The following MACF1 variants were observed in gnomAD, a reference collection of about 807,000 sequenced individuals.
MACF1 encodes microtubule actin crosslinking factor 1.
Under a neutral mutation model 854.8 loss-of-function variants are expected in MACF1, and 193 were observed. That is an observed-to-expected ratio of 0.23 (90% CI 0.20 to 0.25). MACF1 has a LOEUF of 0.25. Among genes scored for constraint, MACF1 ranks in the 10% least tolerant of loss-of-function variants. The pLI is 1.00. For missense variants in MACF1, 7,722 were observed against 8,929.1 expected, an observed-to-expected ratio of 0.86 and a Z score of 5.45; for synonymous variants, 3,185 against 3,226.7, an observed-to-expected ratio of 0.99 and a Z score of 0.44.
intron 1 of MACF1, among the ~76,000 whole-genome samples, chr1:39,208,380 A>G (rs1644477522): frequency 6.6e-6 from 1 of 151,968 alleles, no homozygotes; most frequent in African/African-American, 2.4e-5. Flanking sequence ...CACCCTGTTA[A>G]CACTACTTAT....
intron 40 of MACF1, among the ~76,000 whole-genome samples, chr1:39,341,297 G>A (rs1441725616): frequency 1.3e-5 from 2 of 151,174 alleles, no homozygotes; most frequent in Non-Finnish European, 2.9e-5. Context: ...GCCTCCCAAA[G>A]TGCTGGGATT....
At chr1:39,240,275 T>C (rs781484529) in intron 2 of MACF1, among the ~76,000 whole-genome samples, 1 of 152,200 alleles carries the variant, frequency 6.6e-6, no homozygotes, top group Non-Finnish European at 1.5e-5. Context: ...GACAAAGTAG[T>C]GCTGGTTAGA....
At chr1:39,155,163 A>G (rs1643658594) in intron 2 of MACF1, among the ~76,000 whole-genome samples, 1 of 152,184 alleles carries the variant, frequency 6.6e-6, no homozygotes, top group Non-Finnish European at 1.5e-5. Context: ...AGACCATTGC[A>G]CCACCACCCT....
intron 20 of MACF1, 98 bp downstream of exon 20, chr1:39,295,980 C>G: frequency 9.7e-7 from 1 of 1,027,438 alleles, no homozygotes; most frequent in Non-Finnish European, 1.4e-6. Flanking sequence ...TTGTATAAAC[C>G]ACCACCTTAA....
rs369484813 is a variant in MACF1 at position 39,427,659 on chromosome 1, A to G, written c.16476+45A>G. 61 of 1,575,612 alleles carry G rather than the reference A, an allele frequency of 3.9e-5. 1 individual carries two copies. The African/African-American group carries it at 7.1e-4, about 18-fold the overall frequency. On this transcript the variant is annotated intron_variant, in intron 62 of 100. Coordinates refer to ENST00000564288, the MANE Select transcript of MACF1 (RefSeq NM_001394062.1). ...AATGAAAATAGAAAACTGGAATTAGAAATCCTAGAAATGAGTAAACTGCCT... is the reference window on the plus strand; with the variant it reads ...AATGAAAATAGAAAACTGGAATTAGGAATCCTAGAAATGAGTAAACTGCCT...
At chr1:39,370,874 ACTC>A (rs746922136) in intron 51 of MACF1, among the ~76,000 whole-genome samples, 1 of 152,120 alleles carries the variant, frequency 6.6e-6, no homozygotes, top group Non-Finnish European at 1.5e-5. Flanking sequence ...ACAAAAAAAA[ACTC>A]CTAATACTTC....
At chr1:39,239,430 C>T (rs1377814479) in intron 2 of MACF1, among the ~76,000 whole-genome samples, 2 of 152,190 alleles carry the variant, frequency 1.3e-5, no homozygotes, top group African/African-American at 2.4e-5. Context: ...ATTAATTCCT[C>T]CTTATTGAGA....
chr1:39,336,215 CCTT>C lies in MACF1; in HGVS notation c.9629_9631del (p.Leu3210del), dbSNP rs1452757681. The C allele has an allele frequency of 3.7e-6, 6 of 1,614,008 alleles. No homozygotes were observed. The highest frequency in any genetic ancestry group is 1.6e-4 in the Middle Eastern group (1 of 6,062). On this transcript the variant is annotated inframe_deletion, in exon 37 of 101. Coordinates refer to ENST00000564288, the MANE Select transcript of MACF1 (RefSeq NM_001394062.1). ...ATCTAGAATTCTCAGACAGAAAAGACCTTCATCATCAGGGCAGCAAAAGTGATG... is the reference window on the plus strand; with the variant it reads ...ATCTAGAATTCTCAGACAGAAAAGACCATCATCAGGGCAGCAAAAGTGATG...
At chr1:39,094,748 C>T (rs1455072591) in intron 2 of MACF1, among the ~76,000 whole-genome samples, 1 of 152,046 alleles carries the variant, frequency 6.6e-6, no homozygotes, top group African/African-American at 2.4e-5. Flanking sequence ...AGAAATTAGC[C>T]AGGCGTGGTG....
intron 23 of MACF1, among the ~76,000 whole-genome samples, chr1:39,303,871 C>G (rs1234126340): frequency 6.8e-6 from 1 of 147,290 alleles, no homozygotes; most frequent in African/African-American, 2.5e-5. Flanking sequence ...AGGGAGACTC[C>G]GTCTCAAAAA....
At chr1:39,357,286 A>G (rs1647677270) in intron 44 of MACF1, 89 bp from the exon 45 acceptor site, 1 of 1,380,054 alleles carries the variant, frequency 7.2e-7, no homozygotes. Context: ...CAGACCTCAC[A>G]TGGAGTATGA....
Position 39,204,944 on chromosome 1 carries a change from TA to T in MACF1, c.-77del, listed in dbSNP as rs935891953. On this transcript the variant is annotated 5_prime_UTR_variant, in exon 1 of 101. Coordinates refer to ENST00000564288, the MANE Select transcript of MACF1 (RefSeq NM_001394062.1). ...CTCTGCTGATAGTACAGGACAACAG[TA>T]ACCTCAGGAGAAAGGCATCCAGAGG... The T allele has an allele frequency of 5.8e-6, 4 of 692,706 alleles. No individual in the cohort carries two copies. The African/African-American group carries it at 7.0e-5, about 12-fold the overall frequency. 42.9% of individuals were successfully genotyped at this position (692,706 alleles called of 1,614,324 possible). A position where few individuals can be genotyped will look rare whatever the true frequency, so the allele number is the denominator to read the frequency against.
Position 39,332,783 on chromosome 1 carries a change from C to G in MACF1, c.6195C>G (p.Thr2065=). 3 of 1,614,084 alleles carry G rather than the reference C, an allele frequency of 1.9e-6. No homozygotes were observed. The highest frequency in any genetic ancestry group is 2.5e-6 in the Non-Finnish European group (3 of 1,180,016). Residue 2065 remains threonine (T), a synonymous_variant, in exon 37 of 101, where the codon ACC becomes ACG. Transcript: ENST00000564288. ...EDCTTEKGKK[T]TVETEDSSVE... The stretch of plus-strand genomic sequence containing the variant: ...GCACTACAGAAAAAGGCAAAAAGAC[C>G]ACTGTAGAAACAGAAGATTCTTCTG...
At chr1:39,396,306 C>T (rs1402153234) in intron 58 of MACF1, among the ~76,000 whole-genome samples, 4 of 137,378 alleles carry the variant, frequency 2.9e-5, no homozygotes, top group Non-Finnish European at 6.0e-5. Context: ...GGTGACAGAG[C>T]GAGACTCCAT....
intron 97 of MACF1, among the ~76,000 whole-genome samples, chr1:39,479,388 A>G (rs1002443630): frequency 1.3e-5 from 2 of 152,178 alleles, no homozygotes; most frequent in African/African-American, 2.4e-5. Context: ...CTACTCTTTC[A>G]TTACCACATA....
chr1:39,233,706 T>G (rs557662320), intron 2 of MACF1, among the ~76,000 whole-genome samples: 4 of 151,516 alleles, frequency 2.6e-5, no homozygotes, highest in South Asian at 4.2e-4. Context: ...TTTCTTGGAT[T>G]CTTGCCTAAG....
intron 2 of MACF1, among the ~76,000 whole-genome samples, chr1:39,148,610 CAAA>C (rs988420538): frequency 5.3e-5 from 8 of 152,102 alleles, no homozygotes; most frequent in African/African-American, 1.9e-4. Context: ...CTTTCAGTGT[CAAA>C]AATATGTATC....
At chr1:39,378,693 G>C (rs1345745051) in intron 53 of MACF1, among the ~76,000 whole-genome samples, 170 bp downstream of exon 53, 1 of 152,182 alleles carries the variant, frequency 6.6e-6, no homozygotes, top group Non-Finnish European at 1.5e-5. Flanking sequence ...ACCATAAACA[G>C]GTTGGCAGCC....
At chr1:39,170,030 C>T (rs1482318723) in intron 2 of MACF1, among the ~76,000 whole-genome samples, 2 of 151,726 alleles carry the variant, frequency 1.3e-5, no homozygotes, top group Admixed American at 6.6e-5. Context: ...ATCCGCCCGC[C>T]TCTGCCTCCC....
Sources: allele counts gnomAD v4.1 joint callset (sites outside exome capture counted in the v4.1 genomes callset), GRCh38; gene constraint gnomAD v4.1.1; transcripts MANE v1.5; gene names NCBI Gene and HGNC (gene_info 2026-07-23, HGNC 2026-07-21).